CDKL5: variants seen among roughly 807,000 people sequenced by gnomAD.
The protein encoded by CDKL5 is cyclin dependent kinase like 5, also known as cyclin-dependent kinase-like 5.
In CDKL5, 8 loss-of-function variants were observed where a neutral mutation model predicts 61.7. That is an observed-to-expected ratio of 0.13 (90% CI 0.08 to 0.23). CDKL5 has a LOEUF of 0.23. Among genes scored for constraint, CDKL5 ranks in the 10% least tolerant of loss-of-function variants. The pLI, the probability that CDKL5 is intolerant of heterozygous loss-of-function variation, is 1.00. For synonymous variants in CDKL5, 275 were observed against 272.3 expected (o/e 1.01, Z -0.10); for missense variants, 440 against 734.5 (o/e 0.60, Z 4.63).
At position 18,620,672 on chromosome X, in the gene CDKL5, T is replaced by C. The variant is rs752950348; in HGVS notation, c.2376+706T>C. Reference sequence around the variant, plus strand: ...TGTAGGACAGCAGCAGGAGTAGTTCTTCCCCTAGATGAGGCTGCATCCCCC... The same window carrying C: ...TGTAGGACAGCAGCAGGAGTAGTTCCTCCCCTAGATGAGGCTGCATCCCCC... On this transcript the variant is annotated intron_variant, in intron 16 of 17. Transcript: ENST00000623535. 2.5e-4 allele frequency among the ~76,000 whole-genome samples: 28 copies of C among 111,736 alleles called. 1 individual carries two copies. The highest frequency in any genetic ancestry group is 1.5e-3 in the South Asian group (4 of 2,671).
intron 3 of CDKL5, among the ~76,000 whole-genome samples, chrX:18,515,152 C>G (rs764275245): frequency 8.9e-6 from 1 of 112,131 alleles, no homozygotes. Context: ...GTAGCATGCT[C>G]TTCTTAGCAA....
At chrX:18,643,795 C>T (rs1239554932), downstream of CDKL5, among the ~76,000 whole-genome samples, 2 of 109,333 alleles carry the variant, frequency 1.8e-5, no homozygotes, top group Admixed American at 2.0e-4. Context: ...TTCCAAAGAG[C>T]TAGGGAGTTT....
At chrX:18,550,147 G>A (rs1463030731) in intron 3 of CDKL5, among the ~76,000 whole-genome samples, 3 of 111,579 alleles carry the variant, frequency 2.7e-5, no homozygotes, top group African/African-American at 6.5e-5. Flanking sequence ...AGATGTCTTC[G>A]GCACCAATTA....
chrX:18,502,665 G>A (rs1378494622), intron 1 of CDKL5, among the ~76,000 whole-genome samples: 2 of 111,571 alleles, frequency 1.8e-5, no homozygotes, highest in African/African-American at 6.5e-5. Flanking sequence ...GGAATCTGTA[G>A]GGATACTGAA....
intron 4 of CDKL5, among the ~76,000 whole-genome samples, chrX:18,565,700 T>C (rs899889836): frequency 3.6e-5 from 4 of 112,560 alleles, no homozygotes; most frequent in Non-Finnish European, 7.5e-5. Flanking sequence ...GTAGTAGTAT[T>C]TGATGTAATC....
intron 3 of CDKL5, among the ~76,000 whole-genome samples, chrX:18,563,195 A>T (rs1199978672): frequency 8.9e-6 from 1 of 111,845 alleles, no homozygotes; most frequent in Non-Finnish European, 1.9e-5. Flanking sequence ...GAGGTTCCTG[A>T]TATGGTCTGT....
Position 18,613,220 on chromosome X carries a change from T to G in CDKL5, c.2221T>G (p.Ser741Ala). 8.4e-7 allele frequency: 1 copy of G among 1,196,518 alleles called. No homozygotes were observed. Among genetic ancestry groups the G allele is most frequent in the Non-Finnish European group, 1.1e-6 (1 of 884,714 alleles). Residue 741 changes from serine (S) to alanine (A), a missense_variant, in exon 15 of 18, where the codon TCA (serine) becomes GCA (alanine). Transcript: ENST00000623535. ...NVSTRVSSLP[S>A]ESSSGTNHSK... ...GTCAACTAGAGTTTCTTCTCTACCA[T>G]CAGAGAGCAGTTCTGGAACCAACCA...
intron 1 of CDKL5, among the ~76,000 whole-genome samples, chrX:18,433,545 C>T (rs964836039): frequency 9.0e-6 from 1 of 111,703 alleles, no homozygotes; most frequent in African/African-American, 3.3e-5. Context: ...AGCGAGACTC[C>T]GTTTAAATAA....
At chrX:18,438,140 A>G (rs1455461873) in intron 1 of CDKL5, among the ~76,000 whole-genome samples, 2 of 110,903 alleles carry the variant, frequency 1.8e-5, no homozygotes, top group African/African-American at 6.6e-5. Context: ...ATCTCGGCTC[A>G]CTGCAACCTC....
At chrX:18,487,220 C>T (rs1921823611) in intron 1 of CDKL5, among the ~76,000 whole-genome samples, 1 of 112,358 alleles carries the variant, frequency 8.9e-6, no homozygotes, top group Non-Finnish European at 1.9e-5. Context: ...ATTGAATAAA[C>T]TTAAGGCTTA....
Position 18,560,735 on chromosome X carries a change from T to C in CDKL5, c.100-3742T>C, listed in dbSNP as rs181318710. 4.3e-3 allele frequency among the ~76,000 whole-genome samples: 474 copies of C among 109,688 alleles called. 2 individuals carry two copies. In the Middle Eastern group the frequency reaches 0.046, roughly 11 times the overall value. ...GTTTAAGGTTGCTATAAGAAGACTT[T>C]CCTAATTTCATTGATTTCCAGGTAT... On this transcript the variant is annotated intron_variant, in intron 3 of 17. Coordinates refer to ENST00000623535, the MANE Select transcript of CDKL5 (RefSeq NM_001323289.2).
chrX:18,430,344 A>C (rs979534378), intron 1 of CDKL5, among the ~76,000 whole-genome samples: 5 of 112,403 alleles, frequency 4.4e-5, no homozygotes, highest in Non-Finnish European at 9.4e-5. Context: ...ATACCCTTGA[A>C]GTAAAATGGC....
chrX:18,625,562 T>A (rs759968696), intron 17 of CDKL5, among the ~76,000 whole-genome samples: 223 of 111,300 alleles, frequency 2.0e-3, no homozygotes, highest in African/African-American at 6.9e-3. Context: ...CCATAATTCA[T>A]GGTAAAAAAT....
chrX:18,554,620 T>G (rs1256074812), intron 3 of CDKL5, among the ~76,000 whole-genome samples: 6 of 110,110 alleles, frequency 5.4e-5, no homozygotes, highest in Non-Finnish European at 9.5e-5. Context: ...TTTGCCATGT[T>G]GGCCAGGCTG....
intron 1 of CDKL5, among the ~76,000 whole-genome samples, chrX:18,464,874 G>T (rs1479043476): frequency 8.9e-6 from 1 of 111,993 alleles, no homozygotes; most frequent in Non-Finnish European, 1.9e-5. Flanking sequence ...AAATGTCAGT[G>T]TGTGTACATG....
chrX:18,644,647 A>G (rs1465119457), downstream of CDKL5: 3 of 1,196,176 alleles, frequency 2.5e-6, no homozygotes, highest in Non-Finnish European at 3.4e-6. Context: ...ATACCGAGTC[A>G]CCGAGAGACT....
chrX:18,498,045 G>T (rs1486774758), intron 1 of CDKL5, among the ~76,000 whole-genome samples: 1 of 109,676 alleles, frequency 9.1e-6, no homozygotes, highest in East Asian at 2.9e-4. Context: ...GCCCAGGCTG[G>T]TCTCAAACTC....
At chrX:18,494,526 T>C (rs756327216) in intron 1 of CDKL5, among the ~76,000 whole-genome samples, 1 of 112,684 alleles carries the variant, frequency 8.9e-6, no homozygotes, top group East Asian at 2.8e-4. Context: ...CCCATAGTGC[T>C]GGGATTACAG....
At chrX:18,582,290 A>G (rs1925507716) in intron 7 of CDKL5, among the ~76,000 whole-genome samples, 1 of 111,986 alleles carries the variant, frequency 8.9e-6, no homozygotes, top group Non-Finnish European at 1.9e-5. Context: ...ATCCCTCTGT[A>G]AATACACATA....
Sources: gnomAD v4.1 joint callset for allele counts (sites outside exome capture counted in the v4.1 genomes callset) on GRCh38, gnomAD v4.1.1 for gene constraint, MANE v1.5 for transcripts, NCBI Gene and HGNC (gene_info 2026-07-23, HGNC 2026-07-21) for gene names.